TCP11L2: variants seen among roughly 807,000 people sequenced by gnomAD.
TCP11L2 encodes the protein t-complex 11 like 2.
Under a neutral mutation model 50.7 loss-of-function variants are expected in TCP11L2, and 39 were observed. That is an observed-to-expected ratio of 0.77 (90% CI 0.60 to 1.01). TCP11L2 has a LOEUF of 1.01. Ranked by LOEUF, TCP11L2 falls within the 50% of genes least tolerant of loss-of-function variation. The pLI is 0.00. For synonymous variants in TCP11L2, 192 were observed against 219.3 expected (o/e 0.88, Z 1.10); for missense variants, 612 against 614.7 (o/e 1.00, Z 0.05).
chr12:106,308,174 A>G (rs2034707592), intron 1 of TCP11L2, among the ~76,000 whole-genome samples: 2 of 152,216 alleles, frequency 1.3e-5, no homozygotes, highest in African/African-American at 2.4e-5. Flanking sequence ...GTAGTTTCAC[A>G]TTGTTAAGCA....
chr12:106,318,267 C>T, intron 3 of TCP11L2, 77 bp from the exon 4 acceptor site: 3 of 1,495,532 alleles, frequency 2.0e-6, no homozygotes, highest in Non-Finnish European at 2.7e-6. Context: ...TATAAGATTT[C>T]TACAATGAGG....
intron 2 of TCP11L2, among the ~76,000 whole-genome samples, chr12:106,314,030 T>C (rs1241428899): frequency 2.0e-5 from 3 of 152,162 alleles, no homozygotes; most frequent in Non-Finnish European, 4.4e-5. Context: ...CCTCCCAAAG[T>C]GTTGGGATTA....
chr12:106,318,604 GCAC>G, intron 4 of TCP11L2, 140 bp downstream of exon 4: 1 of 1,039,112 alleles, frequency 9.6e-7, no homozygotes, highest in Non-Finnish European at 1.3e-6. Flanking sequence ...CAAAATCAAA[GCAC>G]CACCAGATTC....
chr12:106,326,747 T>C (rs1211139521), intron 6 of TCP11L2, among the ~76,000 whole-genome samples: 1 of 152,186 alleles, frequency 6.6e-6, no homozygotes, highest in Admixed American at 6.5e-5. Flanking sequence ...TGTGCAACCC[T>C]GCCTCTCTTC....
intron 4 of TCP11L2, among the ~76,000 whole-genome samples, chr12:106,319,976 CT>C (rs1385863761): frequency 6.6e-6 from 1 of 152,180 alleles, no homozygotes; most frequent in Non-Finnish European, 1.5e-5. Context: ...TTAAAGAGTT[CT>C]TTTGGAGCCA....
chr12:106,303,345 G>A (rs1043979210), intron 1 of TCP11L2: 2 of 152,530 alleles, frequency 1.3e-5, no homozygotes, highest in South Asian at 4.1e-4. Flanking sequence ...AGCCAGGGTA[G>A]AGGCAGGGCG....
intron 9 of TCP11L2, among the ~76,000 whole-genome samples, chr12:106,345,598 T>C (rs1385260872): frequency 6.6e-6 from 1 of 152,058 alleles, no homozygotes; most frequent in Non-Finnish European, 1.5e-5. Flanking sequence ...ATTATAATCA[T>C]GAACATTTAG....
Position 106,318,467 on chromosome 12 carries a change from A to G in TCP11L2, c.414+3A>G, listed in dbSNP as rs1422485234. 1 of 1,613,354 alleles carries G rather than the reference A, an allele frequency of 6.2e-7. No individual in the cohort carries two copies. Among genetic ancestry groups the G allele is most frequent in the African/African-American group, 1.3e-5 (1 of 74,918 alleles). On this transcript the variant is annotated splice_donor_region_variant and intron_variant, in intron 4 of 9. Coordinates refer to ENST00000299045, the MANE Select transcript of TCP11L2 (RefSeq NM_152772.3). ...AACTGTTTGAAGAAATCAGAGAGGC[A>G]AGTTGCTTTGTTGTCTGTGTCAGTT...
chr12:106,298,839 C>CCAGG (rs1330489767), upstream of TCP11L2, among the ~76,000 whole-genome samples: 1 of 138,820 alleles, frequency 7.2e-6, no homozygotes, highest in East Asian at 2.2e-4. Context: ...TTTTGTGAGA[C>CCAGG]CAGGTTTCAC....
At chr12:106,303,431 C>T (rs747465582) in intron 1 of TCP11L2, 1 of 152,356 alleles carries the variant, frequency 6.6e-6, no homozygotes, top group Non-Finnish European at 1.5e-5. Context: ...GTCCCCTCCC[C>T]CAAGGGTTTG....
At chr12:106,301,285 A>C (rs1367840857), upstream of TCP11L2, among the ~76,000 whole-genome samples, 2 of 152,246 alleles carry the variant, frequency 1.3e-5, no homozygotes, top group Admixed American at 6.5e-5. Context: ...GCACAGATAC[A>C]AATTTATACA....
chr12:106,345,737 C>T (rs1279090777), intron 9 of TCP11L2, among the ~76,000 whole-genome samples: 1 of 152,080 alleles, frequency 6.6e-6, no homozygotes, highest in African/African-American at 2.4e-5. Context: ...TATTATTACT[C>T]ACCAGTCTGT....
chr12:106,329,581 G>T, intron 6 of TCP11L2: 1 of 1,388,140 alleles, frequency 7.2e-7, no homozygotes, highest in Non-Finnish European at 9.3e-7. Flanking sequence ...AAGTCTCCAG[G>T]AGCTGTGCCC....
At chr12:106,310,773 T>G (rs1486960595) in intron 1 of TCP11L2, among the ~76,000 whole-genome samples, 1 of 152,260 alleles carries the variant, frequency 6.6e-6, no homozygotes, top group Non-Finnish European at 1.5e-5. Context: ...AAAAAGGACC[T>G]GCCATTACTT....
At chr12:106,344,640 T>C (rs1267853091) in intron 9 of TCP11L2, among the ~76,000 whole-genome samples, 2 of 152,222 alleles carry the variant, frequency 1.3e-5, no homozygotes, top group Admixed American at 1.3e-4. Context: ...TTTGTGAGCA[T>C]TCTTTGGTGA....
intron 1 of TCP11L2, chr12:106,304,374 A>T (rs1346613877): frequency 6.6e-6 from 1 of 152,336 alleles, no homozygotes; most frequent in Non-Finnish European, 1.5e-5. Flanking sequence ...GTTGGCTTTT[A>T]TCTAGCTCTT....
At chr12:106,301,602 T>G (rs372655945), upstream of TCP11L2, among the ~76,000 whole-genome samples, 162 of 152,328 alleles carry the variant, frequency 1.1e-3, 4 homozygotes, top group East Asian at 0.018. Flanking sequence ...GTGGCCAATC[T>G]GCCTCCACAA....
chr12:106,331,993 G>C (rs1330561588), intron 6 of TCP11L2, among the ~76,000 whole-genome samples: 1 of 152,130 alleles, frequency 6.6e-6, no homozygotes, highest in Non-Finnish European at 1.5e-5. Flanking sequence ...TTATGTTCTT[G>C]TCAAATCTGT....
intron 6 of TCP11L2, chr12:106,330,465 AG>A (rs1364954368): frequency 3.4e-5 from 7 of 207,402 alleles, no homozygotes; most frequent in Non-Finnish European, 5.9e-5. Context: ...GGCATCTAGT[AG>A]GTAGAGCTTA....
Sources: gnomAD v4.1 joint callset for allele counts (sites outside exome capture counted in the v4.1 genomes callset) on GRCh38, gnomAD v4.1.1 for gene constraint, MANE v1.5 for transcripts, NCBI Gene and HGNC (gene_info 2026-07-23, HGNC 2026-07-21) for gene names.